VPS13D: variants seen among roughly 807,000 people sequenced by gnomAD.
VPS13D encodes the protein intermembrane lipid transfer protein VPS13D.
VPS13D carries 187 observed loss-of-function variants against 461.9 expected under a neutral mutation model. That is an observed-to-expected ratio of 0.40 (90% CI 0.36 to 0.46). VPS13D has a LOEUF of 0.46. Among genes scored for constraint, VPS13D ranks in the 20% least tolerant of loss-of-function variants. The pLI, the probability that VPS13D is intolerant of heterozygous loss-of-function variation, is 0.60. For missense variants in VPS13D, 4,711 were observed against 5,364.9 expected, an observed-to-expected ratio of 0.88 and a Z score of 3.81; for synonymous variants, 1,951 against 1,986.3, an observed-to-expected ratio of 0.98 and a Z score of 0.47.
At chr1:12,278,336 T>C (rs753511340) in intron 19 of VPS13D, among the ~76,000 whole-genome samples, 2 of 152,166 alleles carry the variant, frequency 1.3e-5, no homozygotes, top group Non-Finnish European at 2.9e-5. Context: ...AATGATGCAG[T>C]CTCAGCTCAC....
chr1:12,386,827 C>T (rs548499842), intron 60 of VPS13D, among the ~76,000 whole-genome samples: 39 of 152,266 alleles, frequency 2.6e-4, no homozygotes, highest in Middle Eastern at 3.4e-3. Context: ...GGGAAACAAA[C>T]GAGCTGAGCC....
intron 25 of VPS13D, among the ~76,000 whole-genome samples, chr1:12,302,438 A>T (rs1642449719): frequency 6.6e-6 from 1 of 152,264 alleles, no homozygotes; most frequent in Non-Finnish European, 1.5e-5. Context: ...CCCTGAAGTT[A>T]GCCTCGGCAG....
At chr1:12,360,385 C>G (rs978485398) in intron 50 of VPS13D, among the ~76,000 whole-genome samples, 1 of 152,126 alleles carries the variant, frequency 6.6e-6, no homozygotes, top group Non-Finnish European at 1.5e-5. Flanking sequence ...TGCCAGGTAG[C>G]CTCACATGGA....
At chr1:12,336,623 G>A (rs1643457234) in intron 39 of VPS13D, 1 of 152,154 alleles carries the variant, frequency 6.6e-6, no homozygotes, top group Non-Finnish European at 1.5e-5. Flanking sequence ...GGTGTTCTTA[G>A]TGTGTGAAGT....
chr1:12,358,688 C>T, intron 50 of VPS13D, 87 bp downstream of exon 50: 1 of 1,525,446 alleles, frequency 6.6e-7, no homozygotes, highest in South Asian at 1.3e-5. Flanking sequence ...TGCATTTTGG[C>T]CTGACTACAA....
intron 66 of VPS13D, 52 bp from the exon 67 acceptor site, chr1:12,460,149 G>C: frequency 6.8e-7 from 1 of 1,466,468 alleles, no homozygotes; most frequent in Non-Finnish European, 9.1e-7. Flanking sequence ...GGCTTTAAAT[G>C]CTTTTGCTTT....
intron 27 of VPS13D, among the ~76,000 whole-genome samples, chr1:12,310,917 C>CTCTCTCCT (rs879626206): frequency 3.7e-3 from 406 of 110,634 alleles, no homozygotes; most frequent in African/African-American, 6.8e-3. Flanking sequence ...CCTTCCCTCC[C>CTCTCTCCT]TCTCTCCCTC....
At chr1:12,240,466 G>T (rs1275078264) in intron 2 of VPS13D, among the ~76,000 whole-genome samples, 4 of 151,678 alleles carry the variant, frequency 2.6e-5, no homozygotes, top group African/African-American at 7.3e-5. Flanking sequence ...GTGGTGGCGG[G>T]CACCTATAGT....
intron 6 of VPS13D, 82 bp from the exon 7 acceptor site, chr1:12,253,640 C>A: frequency 2.7e-6 from 3 of 1,120,348 alleles, no homozygotes; most frequent in Non-Finnish European, 4.0e-6. Context: ...ACACATGATT[C>A]TTTACAAATG....
intron 21 of VPS13D, among the ~76,000 whole-genome samples, chr1:12,284,753 T>C (rs190772912): frequency 6.6e-6 from 1 of 152,358 alleles, no homozygotes. Flanking sequence ...GCCATTTTCT[T>C]ATTTCCCTTG....
chr1:12,393,809 T>G (rs1644460223), intron 60 of VPS13D, among the ~76,000 whole-genome samples: 1 of 152,162 alleles, frequency 6.6e-6, no homozygotes, highest in Non-Finnish European at 1.5e-5. Flanking sequence ...AGCTGTTAAG[T>G]ATATCTATGC....
chr1:12,511,294 G>A lies in VPS13D; in HGVS notation c.*2270G>A, dbSNP rs1646178288. ...GGAATCCAAAGACCACCTAGGGCGGGGCTGGGTGGGAGATGGGAGGGCCAA... is the reference window on the plus strand; with the variant it reads ...GGAATCCAAAGACCACCTAGGGCGGAGCTGGGTGGGAGATGGGAGGGCCAA... On this transcript the variant is annotated 3_prime_UTR_variant, in exon 70 of 70. Transcript: ENST00000620676. This position sits in a 1 kb window ranked among gnomAD's most constrained non-coding sequence, Gnocchi z 4.5. The A allele has an allele frequency of 6.6e-6, 1 of 152,240 alleles. No individual in the cohort carries two copies. Among genetic ancestry groups the A allele is most frequent in the Non-Finnish European group, 1.5e-5 (1 of 68,088 alleles). 9.4% of individuals were successfully genotyped at this position (152,240 alleles called of 1,614,324 possible).
chr1:12,318,549 T>C (rs1025364179), intron 31 of VPS13D, among the ~76,000 whole-genome samples: 1 of 152,208 alleles, frequency 6.6e-6, no homozygotes, highest in Non-Finnish European at 1.5e-5. Context: ...CGCTTGTCCC[T>C]GTCCCCTGCC....
At chr1:12,373,607 CTTT>C (rs1307168913) in intron 54 of VPS13D, 140 bp from the exon 55 acceptor site, 1 of 326,648 alleles carries the variant, frequency 3.1e-6, no homozygotes, top group African/African-American at 2.2e-5. Context: ...TTGCATCAGA[CTTT>C]TTCTTCTATC....
intron 52 of VPS13D, chr1:12,367,590 T>TTTATTTATTTATTTA (rs1557736414): frequency 3.0e-4 from 36 of 121,034 alleles, no homozygotes; most frequent in African/African-American, 1.5e-3. Context: ...TTATTTATTT[T>TTTATTTATTTATTTA]TGGAAACAGA....
intron 68 of VPS13D, 106 bp downstream of exon 68, chr1:12,497,737 C>A (rs927024715): frequency 7.4e-7 from 1 of 1,347,308 alleles, no homozygotes; most frequent in Non-Finnish European, 9.9e-7. Flanking sequence ...GACTCTTGGA[C>A]CTTAGATCTG....
Position 12,383,030 on chromosome 1 carries a change from G to A in VPS13D, c.11245G>A (p.Asp3749Asn). 6.2e-6 allele frequency: 10 copies of A among 1,614,132 alleles called. No individual in the cohort carries two copies. The highest frequency in any genetic ancestry group is 8.5e-6 in the Non-Finnish European group (10 of 1,180,028). Reference protein sequence around the residue: ...FDGAEVVLGPDTSMELLGPVP... With the variant: ...FDGAEVVLGPNTSMELLGPVP... ...TGGAGCTGAAGTTGTTCTTGGTCCT[G>A]ACACTTCCATGGAGCTTTTGGGGCC... The change falls in exon 58 of 70, where the codon GAC becomes AAC. Residue 3749 changes from aspartate to asparagine, a missense_variant. Transcript: ENST00000620676.
At chr1:12,356,238 T>G in intron 48 of VPS13D, 148 bp downstream of exon 48, 3 of 1,379,948 alleles carry the variant, frequency 2.2e-6, no homozygotes, top group South Asian at 3.0e-5. Flanking sequence ...CATAAATGCT[T>G]AATCATGCTC....
chr1:12,256,229 T>A, intron 7 of VPS13D, 104 bp from the exon 8 acceptor site: 1 of 1,336,602 alleles, frequency 7.5e-7, no homozygotes, highest in Non-Finnish European at 1.0e-6. Context: ...TGACACAGCC[T>A]ATGGCTGAGC....
Sources: allele counts gnomAD v4.1 joint callset (sites outside exome capture counted in the v4.1 genomes callset), GRCh38; gene constraint gnomAD v4.1.1; non-coding constraint Gnocchi (gnomAD v3.1); transcripts MANE v1.5; gene names NCBI Gene and HGNC (gene_info 2026-07-23, HGNC 2026-07-21).